Variants in ACO1 observed in about 807,000 individuals in gnomAD.
The protein encoded by ACO1 is cytoplasmic aconitate hydratase.
A neutral mutation model predicts 105.1 loss-of-function variants in ACO1; 78 were observed. The observed-to-expected ratio is 0.74, with a 90% CI of 0.62 to 0.90. ACO1 has a LOEUF of 0.90. ACO1 is among the 40% of genes least tolerant of loss of function. ACO1 has a pLI of 0.00. For missense variants in ACO1, 965 were observed against 1,111.1 expected, an observed-to-expected ratio of 0.87 and a Z score of 1.87; for synonymous variants, 364 against 397.4, an observed-to-expected ratio of 0.92 and a Z score of 1.00.
intron 1 of ACO1, among the ~76,000 whole-genome samples, chr9:32,385,190 G>A (rs1018566065): frequency 6.6e-6 from 1 of 152,178 alleles, no homozygotes; most frequent in Non-Finnish European, 1.5e-5. Context: ...TGGGATGAGG[G>A]GGAAGAGACC....
At chr9:32,399,796 G>A (rs1821449572) in intron 1 of ACO1, among the ~76,000 whole-genome samples, 1 of 142,476 alleles carries the variant, frequency 7.0e-6, no homozygotes, top group Non-Finnish European at 1.5e-5. Flanking sequence ...AAAACAATGT[G>A]AGGTCTAGTG....
At position 32,450,135 on chromosome 9, in the gene ACO1, C is replaced by A. The variant is rs1201090236; in HGVS notation, c.*24C>A. On this transcript the variant is annotated 3_prime_UTR_variant, in exon 21 of 21. Coordinates refer to ENST00000309951, the MANE Select transcript of ACO1 (RefSeq NM_002197.3). Reference sequence around the variant, plus strand: ...AGGAGACGTGCACTTGGTGCTGCGCCCAGGGAGGAAGCCGCACCACCAGCC... The same window carrying A: ...AGGAGACGTGCACTTGGTGCTGCGCACAGGGAGGAAGCCGCACCACCAGCC... 1 of 1,591,768 alleles carries A rather than the reference C, an allele frequency of 6.3e-7. No homozygotes were observed. Among genetic ancestry groups the A allele is most frequent in the Admixed American group, 1.7e-5 (1 of 59,968 alleles).
In ACO1 at chr9:32,431,778, A is replaced by T; in HGVS notation, c.1786A>T (p.Ile596Phe). Reference sequence around the variant, plus strand: ...AGATATCTGGCCGACTAGAGACGAGATCCAGGCAGTGGAGCGTCAGTATGT... The same window carrying T: ...AGATATCTGGCCGACTAGAGACGAGTTCCAGGCAGTGGAGCGTCAGTATGT... ...LKDIWPTRDE[I>F]QAVERQYVIP... The change falls in exon 15 of 21, where the codon ATC becomes TTC. Residue 596 changes from isoleucine (I) to phenylalanine (F), a missense_variant. Transcript: ENST00000309951. The T allele has an allele frequency of 6.2e-7, 1 of 1,614,118 alleles. No individual in the cohort carries two copies. Among genetic ancestry groups the T allele is most frequent in the Non-Finnish European group, 8.5e-7 (1 of 1,180,012 alleles).
At position 32,405,604 on chromosome 9, in the gene ACO1, G is replaced by A. The variant is rs1186434889; in HGVS notation, c.97+1G>A. 3 of 1,594,076 alleles carry A rather than the reference G, an allele frequency of 1.9e-6. No individual in the cohort carries two copies. The highest frequency in any genetic ancestry group is 2.6e-6 in the Non-Finnish European group (3 of 1,163,116). On this transcript the variant is annotated splice_donor_variant, in intron 2 of 20. Coordinates refer to ENST00000309951, the MANE Select transcript of ACO1 (RefSeq NM_002197.3). LOFTEE classifies it high-confidence loss of function. ...AATAAATTGGAGGATTCAAGATATGGTAGGTACATGGCTGTGATAGCAATT... is the reference window on the plus strand; with the variant it reads ...AATAAATTGGAGGATTCAAGATATGATAGGTACATGGCTGTGATAGCAATT...
intron 4 of ACO1, among the ~76,000 whole-genome samples, chr9:32,409,605 C>T (rs2118419032): frequency 6.6e-6 from 1 of 152,270 alleles, no homozygotes; most frequent in Non-Finnish European, 1.5e-5. Flanking sequence ...AATCCCAGCA[C>T]TTTGGAAGGC....
chr9:32,426,034 GT>G, intron 11 of ACO1, 37 bp downstream of exon 11: 1 of 1,599,326 alleles, frequency 6.3e-7, no homozygotes, highest in Non-Finnish European at 8.5e-7. Context: ...GGTCATACAT[GT>G]GTGTAGGTGG....
chr9:32,452,952 A>C lies in ACO1; in HGVS notation c.*2841A>C, dbSNP rs993816561. The C allele has an allele frequency of 2.1e-5, 3 of 141,646 alleles. No individual in the cohort carries two copies. The highest frequency in any genetic ancestry group is 3.0e-5 in the Non-Finnish European group (2 of 65,836). 8.8% of individuals were successfully genotyped at this position (141,646 alleles called of 1,614,324 possible). On this transcript the variant is annotated 3_prime_UTR_variant, in exon 21 of 21. Coordinates refer to ENST00000309951, the MANE Select transcript of ACO1 (RefSeq NM_002197.3). Reference sequence around the variant, plus strand: ...CTGGGCAATAGAGTGAGACCCTATCAATCAATCACCACCCCCCCCCCCCCC... The same window carrying C: ...CTGGGCAATAGAGTGAGACCCTATCCATCAATCACCACCCCCCCCCCCCCC...
At chr9:32,437,221 G>C (rs1822381121) in intron 18 of ACO1, among the ~76,000 whole-genome samples, 1 of 152,098 alleles carries the variant, frequency 6.6e-6, no homozygotes, top group Non-Finnish European at 1.5e-5. Context: ...AACCCCTTGA[G>C]GTAGGTACCA....
At chr9:32,388,839 G>T (rs76025228) in intron 1 of ACO1, among the ~76,000 whole-genome samples, 3,967 of 152,202 alleles carry the variant, frequency 0.026, 166 homozygotes, top group African/African-American at 0.092. Flanking sequence ...TTACAACATA[G>T]TAAACCTAAA....
intron 15 of ACO1, among the ~76,000 whole-genome samples, chr9:32,432,050 G>A (rs879397286): frequency 2.6e-5 from 4 of 152,114 alleles, no homozygotes; most frequent in Non-Finnish European, 5.9e-5. Flanking sequence ...GATGTTCCCA[G>A]ATTTGGACAA....
At chr9:32,401,399 T>C (rs1423947355) in intron 1 of ACO1, among the ~76,000 whole-genome samples, 2 of 152,152 alleles carry the variant, frequency 1.3e-5, no homozygotes, top group African/African-American at 4.8e-5. Flanking sequence ...TTTTTTTTTT[T>C]TTCTGGTTAT....
chr9:32,445,393 T>C (rs1390544314), intron 19 of ACO1: 2 of 153,460 alleles, frequency 1.3e-5, no homozygotes, highest in African/African-American at 4.8e-5. Flanking sequence ...TTCTAGTTTA[T>C]TTGCGTAGAG....
Position 32,436,312 on chromosome 9 carries a change from G to T in ACO1, c.2162G>T (p.Arg721Leu). 1 of 1,614,102 alleles carries T rather than the reference G, an allele frequency of 6.2e-7. No homozygotes were observed. The highest frequency in any genetic ancestry group is 8.5e-7 in the Non-Finnish European group (1 of 1,180,012). ...CGAGGTAATGACGCCGTCATGGCAC[G>T]GGGAACATTTGCCAACATTCGCTTG... is the stretch of plus-strand genomic sequence containing the variant. ...SRRGNDAVMA[R>L]GTFANIRLLN... is the part of the protein sequence containing the mutation. The change falls in exon 18 of 21, where the codon CGG (arginine) becomes CTG (leucine). Residue 721 changes from arginine (R) to leucine (L), a missense_variant. Arg to Leu is a moderately radical substitution (Grantham distance 102). Transcript: ENST00000309951.
chr9:32,396,034 C>T (rs578059524), intron 1 of ACO1, among the ~76,000 whole-genome samples: 2 of 152,304 alleles, frequency 1.3e-5, no homozygotes, highest in Admixed American at 6.5e-5. Context: ...TTCCCCAAGT[C>T]CTGTTGTTTT....
At chr9:32,421,052 C>G in intron 8 of ACO1, 25 bp downstream of exon 8, 1 of 1,601,112 alleles carries the variant, frequency 6.2e-7, no homozygotes, top group African/African-American at 1.3e-5. Flanking sequence ...CTGAAAGCAT[C>G]GGGCTTTTTG....
At chr9:32,433,902 TAC>T in intron 16 of ACO1, 70 bp downstream of exon 16, 1 of 1,230,970 alleles carries the variant, frequency 8.1e-7, no homozygotes, top group Non-Finnish European at 1.1e-6. Flanking sequence ...TCTACTTTAT[TAC>T]CCCATGCTCT....
chr9:32,384,796 C>T (rs1241078981), intron 1 of ACO1, 61 bp downstream of exon 1: 2 of 325,274 alleles, frequency 6.1e-6, no homozygotes, highest in Non-Finnish European at 1.3e-5. Flanking sequence ...CCCTGTATCC[C>T]TCGAGAGTCG....
At chr9:32,418,235 T>G in intron 5 of ACO1, 38 bp downstream of exon 5, 3 of 1,613,476 alleles carry the variant, frequency 1.9e-6, no homozygotes, top group Non-Finnish European at 2.5e-6. Flanking sequence ...TGGTTTTCTT[T>G]GTAGGCAGGG....
At chr9:32,410,882 G>A (rs1821723420) in intron 4 of ACO1, among the ~76,000 whole-genome samples, 1 of 152,202 alleles carries the variant, frequency 6.6e-6, no homozygotes, top group Non-Finnish European at 1.5e-5. Context: ...AGGAAGCTCT[G>A]CTTTGCACTG....
Sources: gnomAD v4.1 joint callset for allele counts (sites outside exome capture counted in the v4.1 genomes callset) on GRCh38, gnomAD v4.1.1 for gene constraint, MANE v1.5 for transcripts, NCBI Gene and HGNC (gene_info 2026-07-23, HGNC 2026-07-21) for gene names.